BMPR1B: variants seen among roughly 807,000 people sequenced by gnomAD.
BMPR1B encodes the protein bone morphogenetic protein receptor type 1B.
A neutral mutation model predicts 59.1 loss-of-function variants in BMPR1B; 12 were observed. The observed-to-expected ratio is 0.20, with a 90% CI of 0.13 to 0.33. The LOEUF (loss-of-function observed/expected upper bound fraction) is 0.33, where lower values mean the gene tolerates loss of function less well. BMPR1B is among the 10% of genes least tolerant of loss of function. The pLI is 1.00. For missense variants in BMPR1B, 550 were observed against 610.9 expected (o/e 0.90, Z 1.05); for synonymous variants, 237 against 207.3 (o/e 1.14, Z -1.23).
rs535927784 is a variant in BMPR1B at position 95,113,032 on chromosome 4, T to G, written c.144-1688T>G. On this transcript the variant is annotated intron_variant, in intron 4 of 12. Coordinates refer to ENST00000515059, the MANE Select transcript of BMPR1B (RefSeq NM_001203.3). The stretch of plus-strand genomic sequence containing the variant: ...TGAATTTTGATTTAGATGAGAAATG[T>G]AAGTTATACATGTAGTCTAAATATG... Among the ~76,000 whole-genome samples, 3 of 152,244 alleles carry G rather than the reference T, an allele frequency of 2.0e-5. No individual in the cohort carries two copies. In the South Asian group the frequency reaches 6.2e-4, roughly 32 times the overall value.
chr4:95,096,833 T>A, intron 3 of BMPR1B, among the ~76,000 whole-genome samples: 1 of 141,066 alleles, frequency 7.1e-6, no homozygotes, highest in Non-Finnish European at 1.5e-5. Context: ...TTTATATTTA[T>A]ATATAAATAT....
At chr4:95,090,798 T>C (rs1729923254) in intron 3 of BMPR1B, among the ~76,000 whole-genome samples, 4 of 152,092 alleles carry the variant, frequency 2.6e-5, no homozygotes, top group Admixed American at 2.6e-4. Context: ...TTTAACCATA[T>C]ATGATGAATA....
chr4:95,033,076 C>T (rs1178981304), intron 3 of BMPR1B, among the ~76,000 whole-genome samples: 2 of 152,046 alleles, frequency 1.3e-5, no homozygotes, highest in Non-Finnish European at 2.9e-5. Context: ...TAGTGACTTT[C>T]GTGAGCATAT....
At chr4:94,975,366 T>TTTG (rs201789989) in intron 2 of BMPR1B, among the ~76,000 whole-genome samples, 145 of 134,894 alleles carry the variant, frequency 1.1e-3, no homozygotes, top group African/African-American at 3.7e-3. Context: ...TGTTTTTGTT[T>TTTG]TTTTTTTTTT....
chr4:95,010,745 C>G (rs1463249097), intron 3 of BMPR1B, among the ~76,000 whole-genome samples: 3 of 152,108 alleles, frequency 2.0e-5, no homozygotes. Flanking sequence ...GATAAGAAAA[C>G]CACTCAGGTG....
At chr4:94,945,072 C>T (rs1729658559) in intron 2 of BMPR1B, among the ~76,000 whole-genome samples, 1 of 152,116 alleles carries the variant, frequency 6.6e-6, no homozygotes, top group Non-Finnish European at 1.5e-5. Flanking sequence ...ATGTATGGAA[C>T]ATTTCATAAC....
chr4:94,932,838 G>A (rs74587111), intron 2 of BMPR1B, among the ~76,000 whole-genome samples: 2,407 of 152,156 alleles, frequency 0.016, 64 homozygotes, highest in African/African-American at 0.055. Flanking sequence ...TAGGTCTGAC[G>A]GTTATATCAA....
intron 3 of BMPR1B, among the ~76,000 whole-genome samples, chr4:95,083,355 AAG>A (rs1729320321): frequency 6.6e-6 from 1 of 152,164 alleles, no homozygotes; most frequent in African/African-American, 2.4e-5. Flanking sequence ...AGATCATGGT[AAG>A]TACCATAATC....
intron 2 of BMPR1B, among the ~76,000 whole-genome samples, chr4:94,894,293 G>A (rs1727504533): frequency 6.6e-6 from 1 of 151,984 alleles, no homozygotes; most frequent in South Asian, 2.1e-4. Flanking sequence ...CAACATTTCA[G>A]GGGTTACATT....
intron 3 of BMPR1B, among the ~76,000 whole-genome samples, chr4:95,061,209 AC>A (rs377202097): frequency 7.8e-4 from 103 of 132,018 alleles, no homozygotes; most frequent in Middle Eastern, 3.8e-3. Flanking sequence ...ACACACACAC[AC>A]CACACACCCC....
Position 95,094,060 on chromosome 4 carries a change from G to A in BMPR1B, c.-17-10348G>A, listed in dbSNP as rs188460877. Among the ~76,000 whole-genome samples the A allele has an allele frequency of 1.9e-3, 287 of 152,100 alleles. 2 individuals are homozygous for A. The highest frequency in any genetic ancestry group is 4.9e-3 in the Admixed American group (74 of 15,242). ...CATCTCTTTTATTGTTTTCCTATATGTATTTCGGCTTTCCATATGTAGTTG... is the reference window on the plus strand; with the variant it reads ...CATCTCTTTTATTGTTTTCCTATATATATTTCGGCTTTCCATATGTAGTTG... On this transcript the variant is annotated intron_variant, in intron 3 of 12. Coordinates refer to ENST00000515059, the MANE Select transcript of BMPR1B (RefSeq NM_001203.3).
At chr4:94,974,328 A>G (rs1366904490) in intron 2 of BMPR1B, among the ~76,000 whole-genome samples, 2 of 151,874 alleles carry the variant, frequency 1.3e-5, no homozygotes, top group Admixed American at 1.3e-4. Context: ...TAACATTTTT[A>G]ATCATTCATT....
chr4:95,128,455 A>G (rs1371567473), intron 8 of BMPR1B, among the ~76,000 whole-genome samples: 3 of 152,182 alleles, frequency 2.0e-5, no homozygotes, highest in Non-Finnish European at 2.9e-5. Context: ...AGCCCTTTCA[A>G]TCTTGGAACC....
chr4:94,841,117 C>A (rs572109509), intron 1 of BMPR1B, among the ~76,000 whole-genome samples: 7 of 148,788 alleles, frequency 4.7e-5, no homozygotes, highest in East Asian at 3.9e-4. Flanking sequence ...GCAGTCTGCC[C>A]GTTCTCAGAT....
intron 1 of BMPR1B, among the ~76,000 whole-genome samples, chr4:94,818,831 T>A (rs1380160642): frequency 1.3e-5 from 2 of 152,170 alleles, no homozygotes; most frequent in South Asian, 2.1e-4. Flanking sequence ...ATATCAAGCC[T>A]GTTTAATTTT....
chr4:94,789,514 C>CACTGCTTT, intron 1 of BMPR1B, among the ~76,000 whole-genome samples: 1 of 150,722 alleles, frequency 6.6e-6, no homozygotes, highest in African/African-American at 2.4e-5. Flanking sequence ...GAGTTGTCTC[C>CACTGCTTT]ACTGCTTTAT....
At chr4:95,127,086 CT>C (rs1236759160) in intron 8 of BMPR1B, among the ~76,000 whole-genome samples, 1 of 89,558 alleles carries the variant, frequency 1.1e-5, no homozygotes, top group Non-Finnish European at 2.8e-5. Context: ...TGTATGTCTT[CT>C]CACAGTCCTG....
At chr4:95,033,578 C>G (rs1725033599) in intron 3 of BMPR1B, among the ~76,000 whole-genome samples, 2 of 152,086 alleles carry the variant, frequency 1.3e-5, no homozygotes, top group South Asian at 4.1e-4. Context: ...TCTTGGCATA[C>G]TTACTCTACA....
intron 3 of BMPR1B, among the ~76,000 whole-genome samples, chr4:95,069,324 A>T (rs1258380657): frequency 6.6e-6 from 1 of 152,196 alleles, no homozygotes; most frequent in Non-Finnish European, 1.5e-5. Flanking sequence ...AGAAAGGCCC[A>T]TGAAGATCTG....
Sources: allele counts gnomAD v4.1 joint callset (sites outside exome capture counted in the v4.1 genomes callset), GRCh38; gene constraint gnomAD v4.1.1; transcripts MANE v1.5; gene names NCBI Gene and HGNC (gene_info 2026-07-23, HGNC 2026-07-21).